CSNK2A2IP: variants seen among roughly 807,000 people sequenced by gnomAD.
CSNK2A2IP encodes casein kinase II subunit alpha'-interacting protein.
chr3:88,463,533 CAA>C, the CSNK2A2IP span, among the ~76,000 whole-genome samples: 4 of 151,734 alleles, frequency 2.6e-5, no homozygotes, highest in Non-Finnish European at 4.4e-5. Context: ...TTTATGCAGC[CAA>C]AAAACACATG....
chr3:88,400,067 C>A, the CSNK2A2IP span, among the ~76,000 whole-genome samples: 13 of 152,132 alleles, frequency 8.5e-5, no homozygotes, highest in Non-Finnish European at 4.4e-5. Context: ...TAACATCTGT[C>A]CTTGTTTAAA....
chr3:88,419,506 T>C, the CSNK2A2IP span, among the ~76,000 whole-genome samples: 4 of 152,202 alleles, frequency 2.6e-5, no homozygotes, highest in African/African-American at 7.2e-5. Flanking sequence ...CAGTTCACCA[T>C]TGATGGGCAT....
the CSNK2A2IP span, among the ~76,000 whole-genome samples, chr3:88,449,296 G>C: frequency 1.3e-5 from 2 of 152,050 alleles, no homozygotes; most frequent in Non-Finnish European, 2.9e-5. Context: ...ATATATGTTA[G>C]CATGTTATTT....
chr3:88,414,459 T>C, the CSNK2A2IP span, among the ~76,000 whole-genome samples: 3 of 151,406 alleles, frequency 2.0e-5, no homozygotes, highest in African/African-American at 7.3e-5. Flanking sequence ...ATTTTAGTAA[T>C]TTTAGTAGAG....
the CSNK2A2IP span, among the ~76,000 whole-genome samples, chr3:88,398,149 A>G: frequency 2.6e-5 from 4 of 152,156 alleles, no homozygotes; most frequent in African/African-American, 9.6e-5. Context: ...TGTAGAATGA[A>G]TATAGATGTT....
chr3:88,427,424 A>G, the CSNK2A2IP span, among the ~76,000 whole-genome samples: 1 of 152,250 alleles, frequency 6.6e-6, no homozygotes, highest in Admixed American at 6.5e-5. Context: ...AGAAATTTGC[A>G]TAAGTAACAA....
the CSNK2A2IP span, among the ~76,000 whole-genome samples, chr3:88,402,995 C>A: frequency 5.3e-5 from 8 of 151,926 alleles, no homozygotes; most frequent in Non-Finnish European, 1.2e-4. Flanking sequence ...ATTAAAGGGC[C>A]ATCTTTAATT....
the CSNK2A2IP span, chr3:88,431,374 A>G: frequency 6.6e-6 from 1 of 152,252 alleles, no homozygotes; most frequent in African/African-American, 2.4e-5. Context: ...CAAACATTGT[A>G]TGTTCTCACT....
chr3:88,356,490 A>G, the CSNK2A2IP span, among the ~76,000 whole-genome samples: 13 of 151,988 alleles, frequency 8.6e-5, 1 homozygote, highest in Admixed American at 7.9e-4. Flanking sequence ...TTCTTTATCT[A>G]TTCTTCTGTT....
the CSNK2A2IP span, among the ~76,000 whole-genome samples, chr3:88,340,296 C>T: frequency 7.2e-5 from 11 of 151,826 alleles, no homozygotes; most frequent in Non-Finnish European, 1.6e-4. Flanking sequence ...AAGGAAACCT[C>T]CAAGAAGGAA....
chr3:88,383,826 G>A, the CSNK2A2IP span, among the ~76,000 whole-genome samples: 4 of 151,754 alleles, frequency 2.6e-5, no homozygotes, highest in Non-Finnish European at 4.4e-5. Context: ...ACCACGCCCC[G>A]CTAATTTTTT....
chr3:88,407,709 A>G, the CSNK2A2IP span, among the ~76,000 whole-genome samples: 2 of 133,610 alleles, frequency 1.5e-5, no homozygotes, highest in African/African-American at 5.0e-5. Flanking sequence ...AATAGTGTGC[A>G]ATCTATTTAT....
At chr3:88,414,989 A>T in the CSNK2A2IP span, among the ~76,000 whole-genome samples, 1 of 151,926 alleles carries the variant, frequency 6.6e-6, no homozygotes, top group Non-Finnish European at 1.5e-5. Context: ...AGGTTACCAA[A>T]AACTTTAGTA....
the CSNK2A2IP span, among the ~76,000 whole-genome samples, chr3:88,403,434 G>C: frequency 1.3e-5 from 2 of 152,078 alleles, no homozygotes; most frequent in African/African-American, 2.4e-5. Context: ...CTTGTCATTA[G>C]AGAATATCTT....
the CSNK2A2IP span, among the ~76,000 whole-genome samples, chr3:88,456,956 T>C: frequency 6.6e-6 from 1 of 152,158 alleles, no homozygotes; most frequent in Non-Finnish European, 1.5e-5. Context: ...CTTTTTTGCA[T>C]TCCAACCCTT....
At chr3:88,435,167 A>G in the CSNK2A2IP span, among the ~76,000 whole-genome samples, 1 of 152,132 alleles carries the variant, frequency 6.6e-6, no homozygotes, top group Non-Finnish European at 1.5e-5. Flanking sequence ...GTAAATTGTG[A>G]AATATTCCCC....
the CSNK2A2IP span, chr3:88,466,216 AACCCC>A: frequency 8.1e-7 from 1 of 1,231,594 alleles, no homozygotes; most frequent in Admixed American, 4.2e-5. Flanking sequence ...ATTGAACTCT[AACCCC>A]ACTATTGGAG....
the CSNK2A2IP span, among the ~76,000 whole-genome samples, chr3:88,433,050 T>C: frequency 6.6e-6 from 1 of 151,958 alleles, no homozygotes; most frequent in African/African-American, 2.4e-5. Flanking sequence ...TACTGAATTA[T>C]ACTATTATCC....
chr3:88,426,599 G>A, the CSNK2A2IP span, among the ~76,000 whole-genome samples: 781 of 152,174 alleles, frequency 5.1e-3, 6 homozygotes, highest in African/African-American at 0.018. Flanking sequence ...AATCATGGGG[G>A]GCAATTACCC....
Sources: allele counts gnomAD v4.1 joint callset (sites outside exome capture counted in the v4.1 genomes callset), GRCh38; gene constraint gnomAD v4.1.1; transcripts MANE v1.5; gene names NCBI Gene and HGNC (gene_info 2026-07-23, HGNC 2026-07-21).